The following MICAL3 variants were observed in gnomAD, a reference collection of about 807,000 sequenced individuals.
MICAL3 encodes the protein microtubule associated monooxygenase, calponin and LIM domain containing 3.
Under a neutral mutation model 207.4 loss-of-function variants are expected in MICAL3, and 62 were observed. The observed-to-expected ratio is 0.30, with a 90% CI of 0.24 to 0.37. The LOEUF (loss-of-function observed/expected upper bound fraction) is 0.37, where lower values mean the gene tolerates loss of function less well. Ranked by LOEUF, MICAL3 falls within the 10% of genes least tolerant of loss-of-function variation. The pLI is 1.00. For synonymous variants in MICAL3, 1,077 were observed against 1,069.3 expected (o/e 1.01, Z -0.14); for missense variants, 2,368 against 2,635.6 (o/e 0.90, Z 2.22).
At chr22:17,865,325 G>A (rs1926972287) in intron 18 of MICAL3, among the ~76,000 whole-genome samples, 1 of 152,166 alleles carries the variant, frequency 6.6e-6, no homozygotes, top group Non-Finnish European at 1.5e-5. Context: ...AAGGGGGACT[G>A]ACAGGCAGGC....
At chr22:17,920,503 G>A (rs1450682231) in intron 1 of MICAL3, among the ~76,000 whole-genome samples, 2 of 152,124 alleles carry the variant, frequency 1.3e-5, no homozygotes, top group Admixed American at 6.5e-5. Context: ...CTAGCTCCCT[G>A]GCTGCAGCGC....
At chr22:17,858,544 G>A (rs1162968719) in intron 19 of MICAL3, 2 of 865,038 alleles carry the variant, frequency 2.3e-6, no homozygotes, top group Non-Finnish European at 2.8e-6. Context: ...GCACTTGTGG[G>A]ACCGGGTCCT....
At chr22:17,951,986 T>A (rs1379686009) in intron 1 of MICAL3, among the ~76,000 whole-genome samples, 1 of 152,152 alleles carries the variant, frequency 6.6e-6, no homozygotes, top group Non-Finnish European at 1.5e-5. Flanking sequence ...CGTGAGCGAC[T>A]GTGCCGGGCG....
intron 16 of MICAL3, among the ~76,000 whole-genome samples, chr22:17,877,127 GGAGGTT>G (rs1928669173): frequency 1.4e-5 from 2 of 139,482 alleles, no homozygotes; most frequent in African/African-American, 5.6e-5. Flanking sequence ...GGGAGGTTAT[GGAGGTT>G]AGGGAGGTTA....
chr22:18,001,911 T>A (rs1233498963), intron 1 of MICAL3, among the ~76,000 whole-genome samples: 1 of 152,202 alleles, frequency 6.6e-6, no homozygotes, highest in Non-Finnish European at 1.5e-5. Context: ...TAAAGGGGAC[T>A]TGTTGGCCGG....
intron 16 of MICAL3, among the ~76,000 whole-genome samples, chr22:17,873,957 A>C (rs913111729): frequency 6.6e-6 from 1 of 152,216 alleles, no homozygotes; most frequent in Non-Finnish European, 1.5e-5. Context: ...CTGACTCAGC[A>C]ACTCACCATG....
intron 16 of MICAL3, among the ~76,000 whole-genome samples, chr22:17,880,732 A>G (rs1368736878): frequency 6.6e-6 from 1 of 152,120 alleles, no homozygotes; most frequent in Non-Finnish European, 1.5e-5. Flanking sequence ...TGCAGTGGGG[A>G]GGAGTGTTTG....
At chr22:18,010,476 G>T (rs913431440) in intron 1 of MICAL3, among the ~76,000 whole-genome samples, 8 of 152,168 alleles carry the variant, frequency 5.3e-5, no homozygotes, top group African/African-American at 1.9e-4. Context: ...GAGAGTCTTT[G>T]TCAGGTGGAA....
intron 5 of MICAL3, 74 bp downstream of exon 5, chr22:17,901,804 A>C (rs1256411345): frequency 8.6e-7 from 1 of 1,167,894 alleles, no homozygotes; most frequent in East Asian, 2.4e-5. Flanking sequence ...GGTCACGCAC[A>C]GTCTCGCCCC....
Position 17,913,287 on chromosome 22 carries a change from G to A in MICAL3, c.-74-6401C>T, listed in dbSNP as rs111581355. The stretch of plus-strand genomic sequence containing the variant: ...CTTAGGGCAGGGACTGGGTCTCTGC[G>A]CTATAACCCGACCTGGAGTAGAAAT... On this transcript the variant is annotated intron_variant, in intron 1 of 31. Coordinates refer to ENST00000441493, the MANE Select transcript of MICAL3 (RefSeq NM_015241.3). 1.1e-4 allele frequency among the ~76,000 whole-genome samples: 16 copies of A among 152,208 alleles called. No individual in the cohort carries two copies. In the East Asian group the frequency reaches 1.9e-3, roughly 18 times the overall value.
At chr22:17,810,347 G>A (rs970171092) in intron 28 of MICAL3, among the ~76,000 whole-genome samples, 24 of 152,246 alleles carry the variant, frequency 1.6e-4, no homozygotes, top group South Asian at 4.1e-4. Context: ...ATAGGCATGA[G>A]CCACCGCACC....
chr22:17,892,966 A>G (rs898617932), intron 11 of MICAL3, among the ~76,000 whole-genome samples: 3 of 152,138 alleles, frequency 2.0e-5, no homozygotes, highest in Admixed American at 1.3e-4. Context: ...CATAACCAAC[A>G]ATGGCAATGA....
At chr22:17,863,303 T>G in intron 19 of MICAL3, 1 of 985,420 alleles carries the variant, frequency 1.0e-6, no homozygotes, top group Non-Finnish European at 1.2e-6. Context: ...TTCTACTGAG[T>G]AGTCAGGTTC....
chr22:17,908,982 T>C (rs915120207), intron 1 of MICAL3, among the ~76,000 whole-genome samples: 1 of 152,156 alleles, frequency 6.6e-6, no homozygotes, highest in African/African-American at 2.4e-5. Flanking sequence ...GACATGCCAC[T>C]TCTCTCCGCA....
intron 17 of MICAL3, among the ~76,000 whole-genome samples, chr22:17,869,270 C>T (rs1303427442): frequency 5.9e-5 from 9 of 152,162 alleles, no homozygotes; most frequent in Admixed American, 5.9e-4. Context: ...ATCCAAGTCA[C>T]ACCTTTTAAA....
At chr22:17,961,374 A>AC (rs1301129373) in intron 1 of MICAL3, among the ~76,000 whole-genome samples, 7 of 152,132 alleles carry the variant, frequency 4.6e-5, no homozygotes, top group Non-Finnish European at 1.0e-4. Flanking sequence ...GGATTGAATA[A>AC]CCCGCGGCCA....
intron 19 of MICAL3, among the ~76,000 whole-genome samples, chr22:17,847,183 G>C (rs1315211801): frequency 6.6e-6 from 1 of 152,210 alleles, no homozygotes; most frequent in Non-Finnish European, 1.5e-5. Flanking sequence ...CACAGCAGCT[G>C]CTGAAGACAC....
chr22:17,980,758 G>A (rs1003839247), intron 1 of MICAL3: 29 of 452,410 alleles, frequency 6.4e-5, no homozygotes, highest in African/African-American at 9.8e-5. Context: ...TTATCATTCC[G>A]CCCGTCTTAT....
chr22:17,893,251 GTCTCCCTGCCTCT>G (rs1930524737), intron 11 of MICAL3, among the ~76,000 whole-genome samples: 1 of 151,988 alleles, frequency 6.6e-6, no homozygotes, highest in African/African-American at 2.4e-5. Context: ...TTTCTACCTG[GTCTCCCTGCCTCT>G]GGTACTTCCC....
Sources: gnomAD v4.1 joint callset for allele counts (sites outside exome capture counted in the v4.1 genomes callset) on GRCh38, gnomAD v4.1.1 for gene constraint, MANE v1.5 for transcripts, NCBI Gene and HGNC (gene_info 2026-07-23, HGNC 2026-07-21) for gene names.